The following SDK1 variants were observed in gnomAD, a reference collection of about 807,000 sequenced individuals.
SDK1 encodes protein sidekick-1.
In SDK1, 157 loss-of-function variants were observed where a neutral mutation model predicts 245.5. That is an observed-to-expected ratio of 0.64 (90% CI 0.56 to 0.73). The LOEUF is 0.73. Among genes scored for constraint, SDK1 ranks in the 30% least tolerant of loss-of-function variants. The probability of loss-of-function intolerance (pLI) is 0.00; values close to 1 mark genes in which losing one functional copy is unlikely to be tolerated. For synonymous variants in SDK1, 1,647 were observed against 1,278.5 expected, an observed-to-expected ratio of 1.29 and a Z score of -6.15; for missense variants, 3,583 against 3,002.3, an observed-to-expected ratio of 1.19 and a Z score of -4.52.
chr7:4,053,577 C>T (rs1251864622), intron 19 of SDK1, among the ~76,000 whole-genome samples: 1 of 152,146 alleles, frequency 6.6e-6, no homozygotes, highest in Admixed American at 6.5e-5. Flanking sequence ...GGATGGCTCC[C>T]CACTCCCTTT....
At chr7:3,403,868 T>A (rs866869315) in intron 1 of SDK1, among the ~76,000 whole-genome samples, 65 of 108,898 alleles carry the variant, frequency 6.0e-4, no homozygotes, top group South Asian at 1.4e-3. Flanking sequence ...TATATATATA[T>A]AATATATATA....
chr7:4,166,418 ACT>A (rs2128214544), intron 32 of SDK1, among the ~76,000 whole-genome samples: 1 of 152,264 alleles, frequency 6.6e-6, no homozygotes, highest in Non-Finnish European at 1.5e-5. Flanking sequence ...AACGAAACTA[ACT>A]CTGGCCAGAG....
chr7:4,192,399 C>T (rs956034686), intron 35 of SDK1, among the ~76,000 whole-genome samples: 3 of 152,192 alleles, frequency 2.0e-5, no homozygotes, highest in Admixed American at 2.0e-4. Flanking sequence ...CCTCAGCCTC[C>T]CAAGTAGCTG....
At chr7:3,984,630 G>A (rs868131740) in intron 13 of SDK1, among the ~76,000 whole-genome samples, 1 of 152,060 alleles carries the variant, frequency 6.6e-6, no homozygotes, top group Non-Finnish European at 1.5e-5. Context: ...GGTTTGTCCT[G>A]AGCTGGCTGT....
chr7:3,884,479 T>C (rs62437958), intron 5 of SDK1, among the ~76,000 whole-genome samples: 4 of 152,220 alleles, frequency 2.6e-5, no homozygotes, highest in Admixed American at 6.5e-5. Flanking sequence ...TCCTCACAAC[T>C]ACTTTACTCA....
chr7:3,736,625 C>T (rs1247800185), intron 4 of SDK1, among the ~76,000 whole-genome samples: 3 of 152,144 alleles, frequency 2.0e-5, no homozygotes, highest in Non-Finnish European at 4.4e-5. Context: ...CTCTTCCCCA[C>T]TACTGTGGGA....
At chr7:3,675,696 C>T (rs1783871009) in intron 4 of SDK1, among the ~76,000 whole-genome samples, 1 of 152,104 alleles carries the variant, frequency 6.6e-6, no homozygotes, top group Non-Finnish European at 1.5e-5. Flanking sequence ...ACCTCAGCCA[C>T]TACAGGCATT....
chr7:4,098,056 T>C (rs773772964), intron 22 of SDK1, among the ~76,000 whole-genome samples: 1 of 152,184 alleles, frequency 6.6e-6, no homozygotes, highest in Non-Finnish European at 1.5e-5. Flanking sequence ...TCTTGGTTGC[T>C]CGACTGTCCA....
chr7:3,826,015 A>G (rs982008708), intron 5 of SDK1, among the ~76,000 whole-genome samples: 8 of 152,344 alleles, frequency 5.3e-5, no homozygotes, highest in Admixed American at 1.3e-4. Context: ...CAGAAACATA[A>G]ATAGGAAGTC....
At chr7:3,476,468 C>G (rs1052826812) in intron 1 of SDK1, among the ~76,000 whole-genome samples, 4 of 152,168 alleles carry the variant, frequency 2.6e-5, no homozygotes, top group Non-Finnish European at 2.9e-5. Flanking sequence ...TCATTGTAAT[C>G]TATTTCTACA....
intron 5 of SDK1, among the ~76,000 whole-genome samples, chr7:3,918,998 C>A (rs915938908): frequency 3.3e-5 from 5 of 152,128 alleles, no homozygotes; most frequent in African/African-American, 1.2e-4. Flanking sequence ...CATCATTAGC[C>A]CATTAACTCA....
At chr7:3,752,266 AATGC>A (rs1441572037) in intron 4 of SDK1, among the ~76,000 whole-genome samples, 1 of 152,136 alleles carries the variant, frequency 6.6e-6, no homozygotes, top group Non-Finnish European at 1.5e-5. Flanking sequence ...TTTGTATCTT[AATGC>A]ATGTTTAGGA....
chr7:3,692,096 T>C (rs754975586), intron 4 of SDK1, among the ~76,000 whole-genome samples: 25 of 152,160 alleles, frequency 1.6e-4, no homozygotes, highest in Non-Finnish European at 2.1e-4. Context: ...TAGCTTATAA[T>C]TGAGTTGGAA....
intron 44 of SDK1, among the ~76,000 whole-genome samples, chr7:4,256,159 A>G (rs182031147): frequency 1.3e-3 from 192 of 152,232 alleles, no homozygotes; most frequent in African/African-American, 4.4e-3. Context: ...ACCTCAAGTG[A>G]TCCGCCTGCC....
intron 5 of SDK1, among the ~76,000 whole-genome samples, chr7:3,894,553 T>G (rs1411781529): frequency 6.6e-6 from 1 of 151,122 alleles, no homozygotes; most frequent in Non-Finnish European, 1.5e-5. Context: ...GAGCCTCAGT[T>G]TGCAGCCCAG....
At chr7:3,990,644 C>T (rs1263329044) in intron 14 of SDK1, among the ~76,000 whole-genome samples, 1 of 152,202 alleles carries the variant, frequency 6.6e-6, no homozygotes, top group Non-Finnish European at 1.5e-5. Context: ...GGCGCTGTCG[C>T]CTCGGGCTTC....
chr7:3,478,365 A>G (rs991714283), intron 1 of SDK1, among the ~76,000 whole-genome samples: 3 of 152,118 alleles, frequency 2.0e-5, no homozygotes, highest in Non-Finnish European at 4.4e-5. Context: ...GGCATAATAT[A>G]TTATTAGTGC....
chr7:3,559,770 A>G (rs1047235471), intron 1 of SDK1, among the ~76,000 whole-genome samples: 1 of 152,024 alleles, frequency 6.6e-6, no homozygotes. Context: ...AAAAAAAAAA[A>G]AAACACAAAA....
At chr7:3,684,118 C>T (rs1784200373) in intron 4 of SDK1, among the ~76,000 whole-genome samples, 1 of 152,206 alleles carries the variant, frequency 6.6e-6, no homozygotes, top group African/African-American at 2.4e-5. Flanking sequence ...ATTCCCTGCT[C>T]AGCAGTGACA....
Sources: gnomAD v4.1 joint callset for allele counts (sites outside exome capture counted in the v4.1 genomes callset) on GRCh38, gnomAD v4.1.1 for gene constraint, MANE v1.5 for transcripts, NCBI Gene and HGNC (gene_info 2026-07-23, HGNC 2026-07-21) for gene names.